The following PCDHGB7 variants were observed in gnomAD, a reference collection of about 807,000 sequenced individuals.
PCDHGB7 encodes protocadherin gamma-B7.
PCDHGB7 carries 37 observed loss-of-function variants against 61.4 expected under a neutral mutation model. The observed-to-expected ratio is 0.60, with a 90% CI of 0.46 to 0.79. The LOEUF is 0.79. Among genes scored for constraint, PCDHGB7 ranks in the 30% least tolerant of loss-of-function variants. The pLI, the probability that PCDHGB7 is intolerant of heterozygous loss-of-function variation, is 0.00. For missense variants in PCDHGB7, 1,166 were observed against 1,202.5 expected, an observed-to-expected ratio of 0.97 and a Z score of 0.45; for synonymous variants, 464 against 503.5, an observed-to-expected ratio of 0.92 and a Z score of 1.05.
chr5:141,419,541 G>A lies in PCDHGB7; in HGVS notation c.1682G>A (p.Arg561Gln). ...GGCGACCGTAACGACAACGCACCGC[G>A]GGTGCTGTACCCTGCGCTGGGTCCC... is the stretch of plus-strand genomic sequence containing the variant. ...LVGDRNDNAP[R>Q]VLYPALGPDG... Residue 561 changes from arginine (R) to glutamine (Q), a missense_variant, in exon 1 of 4, where the codon CGG becomes CAG. Coordinates refer to ENST00000398594, the MANE Select transcript of PCDHGB7 (RefSeq NM_018927.4). 6.2e-7 allele frequency: 1 copy of A among 1,612,076 alleles called. No individual in the cohort carries two copies. Among genetic ancestry groups the A allele is most frequent in the Non-Finnish European group, 8.5e-7 (1 of 1,179,516 alleles).
intron 1 of PCDHGB7, chr5:141,422,963 C>G (rs372620011): frequency 1.1e-5 from 17 of 1,614,238 alleles, no homozygotes; most frequent in Non-Finnish European, 1.4e-5. Context: ...GTGGAGCTGG[C>G]GCCCCGCTCT....
chr5:141,474,566 G>A (rs2154572064), intron 1 of PCDHGB7, among the ~76,000 whole-genome samples: 1 of 152,336 alleles, frequency 6.6e-6, no homozygotes, highest in Non-Finnish European at 1.5e-5. Flanking sequence ...GGTTTTCAGA[G>A]ATTAATTGAA....
At position 141,427,172 on chromosome 5, in the gene PCDHGB7, TG is replaced by T. The variant is rs757372749; in HGVS notation, c.2415+6902del. ...ATATGTTTGTGCTAGACCATCAAAA[TG>T]GGGAAATTAAATCCAAAGACTTAAT... On this transcript the variant is annotated intron_variant, in intron 1 of 3. Coordinates refer to ENST00000398594, the MANE Select transcript of PCDHGB7 (RefSeq NM_018927.4). The T allele has an allele frequency of 3.9e-5, 18 of 456,596 alleles. 1 individual carries two copies. The highest frequency in any genetic ancestry group is 2.6e-4 in the South Asian group (17 of 64,568). 28.3% of individuals were successfully genotyped at this position (456,596 alleles called of 1,614,324 possible). A position where few individuals can be genotyped will look rare whatever the true frequency, so the allele number is the denominator to read the frequency against.
chr5:141,470,130 A>G (rs915991313), intron 1 of PCDHGB7, among the ~76,000 whole-genome samples: 4 of 151,534 alleles, frequency 2.6e-5, no homozygotes, highest in African/African-American at 4.9e-5. Flanking sequence ...CTTCGTCTCA[A>G]AAAAAAAGAT....
Position 141,489,267 on chromosome 5 carries a change from C to T in PCDHGB7, c.2416-5540C>T, listed in dbSNP as rs370726160. 27 of 1,553,302 alleles carry T rather than the reference C, an allele frequency of 1.7e-5. No individual in the cohort carries two copies. Among genetic ancestry groups the T allele is most frequent in the African/African-American group, 8.2e-5 (6 of 73,324 alleles). ...TGGGGCCCAAGACACTCCCACAGCT[C>T]GCTGGGAAATGGCAAGTGCTGTGCA... On this transcript the variant is annotated intron_variant, in intron 1 of 3. Transcript: ENST00000398594. This position sits in a 1 kb window ranked among gnomAD's most constrained non-coding sequence, Gnocchi z 4.5.
At chr5:141,427,191 G>A (rs749528616) in intron 1 of PCDHGB7, 1 of 456,716 alleles carries the variant, frequency 2.2e-6, no homozygotes, top group South Asian at 1.5e-5. Flanking sequence ...TAAATCCAAA[G>A]ACTTAATAGA....
In PCDHGB7 at chr5:141,432,927, G is replaced by A; in HGVS notation, c.2415+12653G>A. On this transcript the variant is annotated intron_variant, in intron 1 of 3. Coordinates refer to ENST00000398594, the MANE Select transcript of PCDHGB7 (RefSeq NM_018927.4). This position sits in a 1 kb window ranked among gnomAD's most constrained non-coding sequence, Gnocchi z 6.0. ...AGGCTGCGGCGCTGGCACAAGTCACGCCTGCTGCAGGCTTCAGGAGGCGGC... is the reference window on the plus strand; with the variant it reads ...AGGCTGCGGCGCTGGCACAAGTCACACCTGCTGCAGGCTTCAGGAGGCGGC... 6.2e-7 allele frequency: 1 copy of A among 1,614,162 alleles called. No individual in the cohort carries two copies. Among genetic ancestry groups the A allele is most frequent in the Non-Finnish European group, 8.5e-7 (1 of 1,180,032 alleles).
Position 141,491,925 on chromosome 5 carries a change from G to C in PCDHGB7, c.2416-2882G>C. On this transcript the variant is annotated intron_variant, in intron 1 of 3. Coordinates refer to ENST00000398594, the MANE Select transcript of PCDHGB7 (RefSeq NM_018927.4). This position sits in a 1 kb window ranked among gnomAD's most constrained non-coding sequence, Gnocchi z 6.9. ...GGGTGGTGGCGACTGTGGGCGAGGG[G>C]AGGTGGGACCGACCCCCACCCCTAC... 1 of 1,325,176 alleles carries C rather than the reference G, an allele frequency of 7.5e-7. No individual in the cohort carries two copies. Among genetic ancestry groups the C allele is most frequent in the Non-Finnish European group, 1.0e-6 (1 of 987,300 alleles). The allele number at this position is 1,325,176 out of a possible 1,614,324, so 82.1% of individuals were successfully genotyped here.
chr5:141,420,911 T>C (rs948220220), intron 1 of PCDHGB7: 6 of 313,968 alleles, frequency 1.9e-5, no homozygotes, highest in Admixed American at 1.8e-4. Flanking sequence ...CAAATACGTG[T>C]GATTCACAAA....
rs747671382 is a variant in PCDHGB7 at position 141,444,152 on chromosome 5, A to ATTTTTTTTTT, written c.2415+23905_2415+23914dup. 1.8e-4 allele frequency among the ~76,000 whole-genome samples: 6 copies of ATTTTTTTTTT among 33,898 alleles called. 2 individuals are homozygous for ATTTTTTTTTT. Among genetic ancestry groups the ATTTTTTTTTT allele is most frequent in the Non-Finnish European group, 3.1e-4 (6 of 19,312 alleles). The allele number at this position is 33,898 out of a possible 152,430, so 22.2% of individuals were successfully genotyped here. A position where few individuals can be genotyped will look rare whatever the true frequency, so the allele number is the denominator to read the frequency against. On this transcript the variant is annotated intron_variant, in intron 1 of 3. Coordinates refer to ENST00000398594, the MANE Select transcript of PCDHGB7 (RefSeq NM_018927.4). ...GATATGTGTCACTTGTGTGTACTGG[A>ATTTTTTTTTT]TTTTTTTTTTTTTTTTTTTTTTTTT...
rs1421513275 is a variant in PCDHGB7 at position 141,419,032 on chromosome 5, A to G, written c.1173A>G (p.Pro391=). The change falls in exon 1 of 4, where the codon CCA becomes CCG. Residue 391 remains proline, a synonymous_variant. Transcript: ENST00000398594. The stretch of plus-strand genomic sequence containing the variant: ...GGTGTAGCTTAAGTAGAGGTGTTCC[A>G]TTTAAGATTCATTCTTCTTCTAATA... ...EVRCSLSRGV[P]FKIHSSSNNY... The G allele has an allele frequency of 1.2e-6, 2 of 1,614,004 alleles. No individual in the cohort carries two copies. Among genetic ancestry groups the G allele is most frequent in the Non-Finnish European group, 1.7e-6 (2 of 1,179,884 alleles).
Position 141,490,563 on chromosome 5 carries a change from G to C in PCDHGB7, c.2416-4244G>C. On this transcript the variant is annotated intron_variant, in intron 1 of 3. Coordinates refer to ENST00000398594, the MANE Select transcript of PCDHGB7 (RefSeq NM_018927.4). This position sits in a 1 kb window ranked among gnomAD's most constrained non-coding sequence, Gnocchi z 5.4. ...CCCTACACAAACATCTCACCATCAG[G>C]CTCAACATTTCAGATGTCAATGACA... 1 of 1,614,022 alleles carries C rather than the reference G, an allele frequency of 6.2e-7. No individual in the cohort carries two copies. Among genetic ancestry groups the C allele is most frequent in the Non-Finnish European group, 8.5e-7 (1 of 1,180,008 alleles).
intron 1 of PCDHGB7, among the ~76,000 whole-genome samples, chr5:141,426,133 G>A (rs2096916691): frequency 6.6e-6 from 1 of 152,212 alleles, no homozygotes. Context: ...GCCAAGACTT[G>A]GGCTTTCTGC....
At position 141,508,878 on chromosome 5, in the gene PCDHGB7, C is replaced by A. The variant is rs189735747; in HGVS notation, c.2564-2069C>A. The stretch of plus-strand genomic sequence containing the variant: ...GGCTGGGAAAGGCTGAAGAGGCTGA[C>A]GGCTGGAGGGGAGGGGGCGGGGCGG... On this transcript the variant is annotated intron_variant, in intron 3 of 3. Transcript: ENST00000398594. Among the ~76,000 whole-genome samples, 561 of 152,074 alleles carry A rather than the reference C, an allele frequency of 3.7e-3. 3 individuals carry two copies. The highest frequency in any genetic ancestry group is 0.012 in the African/African-American group (508 of 41,498).
chr5:141,423,138 C>A (rs767107885), intron 1 of PCDHGB7: 3 of 1,613,606 alleles, frequency 1.9e-6, no homozygotes, highest in Non-Finnish European at 2.5e-6. Context: ...TGGACAGAGA[C>A]GCGCTCAAGC....
In PCDHGB7 at chr5:141,485,870, C is replaced by A. The variant is rs745737454; in HGVS notation, c.2416-8937C>A. On this transcript the variant is annotated intron_variant, in intron 1 of 3. Coordinates refer to ENST00000398594, the MANE Select transcript of PCDHGB7 (RefSeq NM_018927.4). The surrounding 1 kb of genome is among the most constrained non-coding windows in gnomAD (Gnocchi z 5.7). ...CACCGCAGAGCTCCGGGTATCCGTGCTGGACGTAAACGACAACGCCCCAGC... is the reference window on the plus strand; with the variant it reads ...CACCGCAGAGCTCCGGGTATCCGTGATGGACGTAAACGACAACGCCCCAGC... 1 of 1,614,174 alleles carries A rather than the reference C, an allele frequency of 6.2e-7. No homozygotes were observed. Among genetic ancestry groups the A allele is most frequent in the Non-Finnish European group, 8.5e-7 (1 of 1,180,032 alleles).
chr5:141,476,236 AAG>A lies in PCDHGB7; in HGVS notation c.2416-18565_2416-18564del. ...TCATTCACTATGAGATCCCGGAGGA[AAG>A]AGAGAAGGGTTTCGCTGTGGGCAAC... is the stretch of plus-strand genomic sequence containing the variant. On this transcript the variant is annotated intron_variant, in intron 1 of 3. Transcript: ENST00000398594. The surrounding 1 kb of genome is among the most constrained non-coding windows in gnomAD (Gnocchi z 7.6). 2.5e-6 allele frequency: 4 copies of A among 1,613,980 alleles called. No individual in the cohort carries two copies. Among genetic ancestry groups the A allele is most frequent in the Non-Finnish European group, 3.4e-6 (4 of 1,180,004 alleles).
At chr5:141,501,146 T>C (rs2299023) in intron 2 of PCDHGB7, among the ~76,000 whole-genome samples, 88,663 of 152,012 alleles carry the variant, frequency 0.58, 27,355 homozygotes, top group African/African-American at 0.78. Context: ...GGATTACAGG[T>C]GGGAGCCACC....
chr5:141,479,941 T>C (rs983830280), intron 1 of PCDHGB7, among the ~76,000 whole-genome samples: 2 of 152,194 alleles, frequency 1.3e-5, no homozygotes, highest in Admixed American at 6.5e-5. Context: ...TGCTATCAAC[T>C]CTTGGATTTG....
Sources: gnomAD v4.1 joint callset for allele counts (sites outside exome capture counted in the v4.1 genomes callset) on GRCh38, gnomAD v4.1.1 for gene constraint, Gnocchi (gnomAD v3.1) non-coding constraint, MANE v1.5 for transcripts, NCBI Gene and HGNC (gene_info 2026-07-23, HGNC 2026-07-21) for gene names.